MECOM: variants seen among roughly 807,000 people sequenced by gnomAD.
The protein encoded by MECOM is histone-lysine N-methyltransferase MECOM.
In MECOM, 13 loss-of-function variants were observed where a neutral mutation model predicts 116.3. That is an observed-to-expected ratio of 0.11 (90% CI 0.07 to 0.18). The LOEUF (loss-of-function observed/expected upper bound fraction) is 0.18. Among genes scored for constraint, MECOM ranks in the 10% least tolerant of loss-of-function variants. The probability of loss-of-function intolerance (pLI) is 1.00; values close to 1 mark genes in which losing one functional copy is unlikely to be tolerated. For missense variants in MECOM, 1,299 were observed against 1,509.0 expected (o/e 0.86, Z 2.31); for synonymous variants, 528 against 535.2 (o/e 0.99, Z 0.19).
At chr3:169,118,318 G>A (rs7647676) in intron 7 of MECOM, among the ~76,000 whole-genome samples, 9,580 of 152,242 alleles carry the variant, frequency 0.063, 448 homozygotes, top group South Asian at 0.2. Flanking sequence ...CAACGTTACA[G>A]AGGCTGTAAC....
At chr3:169,361,848 C>T (rs1031572193) in intron 2 of MECOM, among the ~76,000 whole-genome samples, 1 of 151,774 alleles carries the variant, frequency 6.6e-6, no homozygotes, top group African/African-American at 2.4e-5. Context: ...TAAAGTCATA[C>T]CCCGAGAAAG....
chr3:169,250,790 T>C (rs1245280426), intron 2 of MECOM, among the ~76,000 whole-genome samples: 8 of 152,158 alleles, frequency 5.3e-5, no homozygotes, highest in African/African-American at 1.9e-4. Context: ...AAGGTATAAA[T>C]GGAAATTTGT....
At chr3:169,172,665 G>T (rs1474972336) in intron 2 of MECOM, among the ~76,000 whole-genome samples, 3 of 152,120 alleles carry the variant, frequency 2.0e-5, no homozygotes, top group Non-Finnish European at 4.4e-5. Context: ...CTGAGGAATG[G>T]ATGTGAAGAT....
chr3:169,461,337 C>T (rs888180357), intron 1 of MECOM, among the ~76,000 whole-genome samples: 3 of 152,108 alleles, frequency 2.0e-5, no homozygotes, highest in Non-Finnish European at 4.4e-5. Flanking sequence ...AACAGAAAGA[C>T]ATTTTTACAT....
At chr3:169,137,586 T>A (rs975091153) in intron 3 of MECOM, among the ~76,000 whole-genome samples, 1 of 152,078 alleles carries the variant, frequency 6.6e-6, no homozygotes, top group Non-Finnish European at 1.5e-5. Flanking sequence ...GTCTTCAGGG[T>A]CACAGTCTAA....
At chr3:169,568,431 C>T (rs998228366) in intron 1 of MECOM, among the ~76,000 whole-genome samples, 5 of 151,956 alleles carry the variant, frequency 3.3e-5, no homozygotes, top group African/African-American at 1.2e-4. Context: ...CTCAGCAGAT[C>T]CCACCCCCAG....
chr3:169,643,927 C>A (rs930170604), intron 1 of MECOM, among the ~76,000 whole-genome samples: 2 of 152,172 alleles, frequency 1.3e-5, no homozygotes, highest in Admixed American at 6.5e-5. Context: ...CTGATAGCAA[C>A]AAATGTATGC....
Position 169,372,941 on chromosome 3 carries a change from C to T in MECOM, c.375+8246G>A, listed in dbSNP as rs185475272. ...AGAAGAAGCCTGTTTCCCACTGCTC[C>T]GCATGCAGTTACAATGTTACTACAT... On this transcript the variant is annotated intron_variant, in intron 2 of 16. Coordinates refer to ENST00000651503, the MANE Select transcript of MECOM (RefSeq NM_004991.4). 2.6e-4 allele frequency among the ~76,000 whole-genome samples: 40 copies of T among 152,080 alleles called. No individual in the cohort carries two copies. The South Asian group carries it at 6.0e-3, about 23-fold the overall frequency.
At chr3:169,270,711 G>A (rs541517749) in intron 2 of MECOM, among the ~76,000 whole-genome samples, 5 of 151,902 alleles carry the variant, frequency 3.3e-5, no homozygotes, top group East Asian at 1.9e-4. Flanking sequence ...AAATTTAATC[G>A]TATAAATTTA....
chr3:169,148,947 A>C (rs61416664), intron 2 of MECOM, among the ~76,000 whole-genome samples: 6 of 151,990 alleles, frequency 3.9e-5, no homozygotes, highest in Non-Finnish European at 2.9e-5. Context: ...GACAGGAAAA[A>C]TCCTTTGTAA....
Position 169,131,551 on chromosome 3 carries a change from G to A in MECOM, c.511-20C>T, listed in dbSNP as rs1256755607. On this transcript the variant is annotated intron_variant, in intron 3 of 16. Transcript: ENST00000651503. ...GAATATCTTTAAAGACAAAATAAAG[G>A]TGGATGGAATCAGGAAAGAGAGAGA... The A allele has an allele frequency of 6.3e-7, 1 of 1,582,022 alleles. No individual in the cohort carries two copies. Among genetic ancestry groups the A allele is most frequent in the African/African-American group, 1.4e-5 (1 of 74,042 alleles).
intron 2 of MECOM, among the ~76,000 whole-genome samples, chr3:169,193,692 T>C (rs1748019627): frequency 6.6e-6 from 1 of 151,954 alleles, no homozygotes; most frequent in South Asian, 2.1e-4. Flanking sequence ...AAGGATGACA[T>C]GGCTAAAAAG....
chr3:169,411,093 T>A (rs1737488537), intron 1 of MECOM, among the ~76,000 whole-genome samples: 1 of 152,152 alleles, frequency 6.6e-6, no homozygotes, highest in African/African-American at 2.4e-5. Context: ...TGTATCACCA[T>A]TCCATATGCT....
At chr3:169,110,928 C>T (rs1404410016) in intron 9 of MECOM, among the ~76,000 whole-genome samples, 1 of 152,122 alleles carries the variant, frequency 6.6e-6, no homozygotes, top group Non-Finnish European at 1.5e-5. Context: ...GGACACATGC[C>T]TCATCTTTTG....
intron 14 of MECOM, among the ~76,000 whole-genome samples, chr3:169,090,642 C>T (rs1204948133): frequency 2.0e-5 from 3 of 151,846 alleles, no homozygotes; most frequent in African/African-American, 7.3e-5. Flanking sequence ...ATTCATATCA[C>T]TCATGGGCCG....
At chr3:169,194,740 C>A (rs368032532) in intron 2 of MECOM, among the ~76,000 whole-genome samples, 11 of 152,170 alleles carry the variant, frequency 7.2e-5, no homozygotes, top group African/African-American at 2.6e-4. Context: ...CAGAATTTGC[C>A]ACTCCAAGTT....
At chr3:169,306,059 G>A (rs1189747747) in intron 2 of MECOM, among the ~76,000 whole-genome samples, 1 of 152,008 alleles carries the variant, frequency 6.6e-6, no homozygotes, top group Non-Finnish European at 1.5e-5. Flanking sequence ...TTCCTTTCAA[G>A]TAAACATATT....
At chr3:169,315,557 A>C (rs530399372) in intron 2 of MECOM, among the ~76,000 whole-genome samples, 9 of 152,284 alleles carry the variant, frequency 5.9e-5, no homozygotes, top group African/African-American at 1.7e-4. Flanking sequence ...GTGTCTTTGC[A>C]TGTTAGGTCT....
chr3:169,303,062 GACAATGATCACCCA>G (rs771553585), intron 2 of MECOM, among the ~76,000 whole-genome samples: 28 of 152,020 alleles, frequency 1.8e-4, no homozygotes, highest in South Asian at 4.1e-4. Context: ...TTCTTTCTAA[GACAATGATCACCCA>G]AAAAGGTCAC....
Sources: gnomAD v4.1 joint callset for allele counts (sites outside exome capture counted in the v4.1 genomes callset) on GRCh38, gnomAD v4.1.1 for gene constraint, MANE v1.5 for transcripts, NCBI Gene and HGNC (gene_info 2026-07-23, HGNC 2026-07-21) for gene names.